The following FOCAD variants were observed in gnomAD, a reference collection of about 807,000 sequenced individuals.
FOCAD encodes focadhesin, also known as KIAA1797.
A neutral mutation model predicts 225.6 loss-of-function variants in FOCAD; 198 were observed. The observed-to-expected ratio is 0.88, with a 90% CI of 0.78 to 0.99. The LOEUF (loss-of-function observed/expected upper bound fraction) is 0.99. FOCAD is among the 50% of genes least tolerant of loss of function. FOCAD has a pLI of 0.00. For missense variants in FOCAD, 2,713 were observed against 2,123.6 expected (o/e 1.28, Z -5.46); for synonymous variants, 897 against 755.0 (o/e 1.19, Z -3.08).
At chr9:20,744,101 T>A in intron 5 of FOCAD, among the ~76,000 whole-genome samples, 1 of 152,170 alleles carries the variant, frequency 6.6e-6, no homozygotes, top group East Asian at 1.9e-4. Flanking sequence ...GTTTGTTCAA[T>A]GAAAAAATTC....
At chr9:20,712,201 A>G (rs1824905291) in intron 1 of FOCAD, among the ~76,000 whole-genome samples, 1 of 152,212 alleles carries the variant, frequency 6.6e-6, no homozygotes, top group Admixed American at 6.5e-5. Flanking sequence ...CTAAAACTTA[A>G]CTGTCCAAAA....
chr9:20,824,503 C>T (rs190721057), intron 15 of FOCAD, among the ~76,000 whole-genome samples: 24 of 152,044 alleles, frequency 1.6e-4, no homozygotes, highest in African/African-American at 5.8e-4. Flanking sequence ...TAAGGCTGTA[C>T]AGTTTATCAA....
At chr9:20,815,123 G>GTTTTTTTTTTTTTT (rs71334554) in intron 11 of FOCAD, among the ~76,000 whole-genome samples, 4 of 85,394 alleles carry the variant, frequency 4.7e-5, no homozygotes, top group Non-Finnish European at 6.7e-5. Context: ...ACTTCTCTTT[G>GTTTTTTTTTTTTTT]TTTTTTTTTT....
intron 22 of FOCAD, among the ~76,000 whole-genome samples, chr9:20,910,763 T>C (rs1322860708): frequency 6.6e-6 from 1 of 152,030 alleles, no homozygotes; most frequent in African/African-American, 2.4e-5. Flanking sequence ...AAGTCAAGAA[T>C]TGGAAGGCGC....
intron 9 of FOCAD, among the ~76,000 whole-genome samples, chr9:20,779,653 G>C (rs1222894772): frequency 6.6e-6 from 1 of 152,000 alleles, no homozygotes; most frequent in African/African-American, 2.4e-5. Flanking sequence ...GGTTGGCTGA[G>C]GCAGGATAAT....
rs560683905 is a variant in FOCAD at position 20,980,520 on chromosome 9, T to C, written c.4378-906T>C. On this transcript the variant is annotated intron_variant, in intron 37 of 43. Coordinates refer to ENST00000338382, the MANE Select transcript of FOCAD (RefSeq NM_001375567.1). ...TTGGTTAATAAATTAAGTTTGTGAG[T>C]TCATTTTCTTAAATATAGAATGATC... Among the ~76,000 whole-genome samples the C allele has an allele frequency of 7.2e-5, 11 of 152,368 alleles. No individual in the cohort carries two copies. The East Asian group carries it at 2.1e-3, about 29-fold the overall frequency.
chr9:20,713,950 C>G (rs1204418406), intron 1 of FOCAD, among the ~76,000 whole-genome samples: 1 of 152,116 alleles, frequency 6.6e-6, no homozygotes, highest in Admixed American at 6.5e-5. Context: ...AGTTTGCAAT[C>G]TTAGAACAAG....
intron 15 of FOCAD, among the ~76,000 whole-genome samples, chr9:20,841,598 T>C (rs1826533486): frequency 1.3e-5 from 2 of 151,928 alleles, no homozygotes; most frequent in African/African-American, 4.8e-5. Flanking sequence ...GCAGTATTAG[T>C]TGTAATATCT....
chr9:20,811,307 G>C (rs1421613587), intron 11 of FOCAD, among the ~76,000 whole-genome samples: 1 of 152,040 alleles, frequency 6.6e-6, no homozygotes, highest in East Asian at 1.9e-4. Flanking sequence ...ACAAGCTTCA[G>C]TTTTCCGTTT....
chr9:20,774,184 C>G (rs1351392657), intron 8 of FOCAD, among the ~76,000 whole-genome samples: 1 of 152,120 alleles, frequency 6.6e-6, no homozygotes, highest in African/African-American at 2.4e-5. Context: ...ATGAAACCAG[C>G]CCCTGGTGCA....
intron 23 of FOCAD, among the ~76,000 whole-genome samples, chr9:20,915,130 C>T (rs1833764278): frequency 6.6e-6 from 1 of 152,066 alleles, no homozygotes; most frequent in Non-Finnish European, 1.5e-5. Flanking sequence ...GCCTCATTAG[C>T]CTCCAATTAG....
At chr9:20,779,451 A>G (rs1819135931) in intron 9 of FOCAD, among the ~76,000 whole-genome samples, 3 of 152,198 alleles carry the variant, frequency 2.0e-5, no homozygotes. Context: ...CTTAGTTTTA[A>G]AAAGTACGTG....
chr9:20,664,003 T>C (rs1421652563), intron 2 of FOCAD, among the ~76,000 whole-genome samples: 1 of 152,136 alleles, frequency 6.6e-6, no homozygotes, highest in Admixed American at 6.5e-5. Flanking sequence ...TTTGTCTTAA[T>C]GAGATCCACT....
At chr9:20,711,572 AGAGGAATAGTAACCTCT>A (rs1824853945) in intron 1 of FOCAD, among the ~76,000 whole-genome samples, 2 of 152,216 alleles carry the variant, frequency 1.3e-5, no homozygotes, top group African/African-American at 4.8e-5. Flanking sequence ...TGTAGAATGA[AGAGGAATAGTAACCTCT>A]GAGGTGCTGG....
intron 27 of FOCAD, among the ~76,000 whole-genome samples, chr9:20,932,287 T>C (rs1564170105): frequency 6.6e-6 from 1 of 152,194 alleles, no homozygotes; most frequent in African/African-American, 2.4e-5. Flanking sequence ...CTCTGCCTGG[T>C]TGTCATTCCT....
upstream of FOCAD, among the ~76,000 whole-genome samples, chr9:20,682,178 C>T (rs944074075): frequency 1.3e-5 from 2 of 152,226 alleles, no homozygotes; most frequent in African/African-American, 4.8e-5. Flanking sequence ...GCTTGGACTT[C>T]CCGGCTTGCA....
chr9:20,681,153 C>T (rs553860441), upstream of FOCAD, among the ~76,000 whole-genome samples: 14 of 152,324 alleles, frequency 9.2e-5, 1 homozygote, highest in South Asian at 2.9e-3. Flanking sequence ...TAGATTAAAT[C>T]AGTGAAGCGT....
intron 32 of FOCAD, among the ~76,000 whole-genome samples, chr9:20,949,275 T>C (rs1207317584): frequency 6.6e-6 from 1 of 152,178 alleles, no homozygotes; most frequent in East Asian, 1.9e-4. Flanking sequence ...TATATGTCTA[T>C]GTGGTTGTTC....
At chr9:20,804,976 CCTT>C (rs1261832069) in intron 11 of FOCAD, among the ~76,000 whole-genome samples, 1 of 152,046 alleles carries the variant, frequency 6.6e-6, no homozygotes, top group Non-Finnish European at 1.5e-5. Flanking sequence ...CCCATTACAC[CCTT>C]CTTAATCTGT....
Sources: allele counts gnomAD v4.1 joint callset (sites outside exome capture counted in the v4.1 genomes callset), GRCh38; gene constraint gnomAD v4.1.1; transcripts MANE v1.5; gene names NCBI Gene and HGNC (gene_info 2026-07-23, HGNC 2026-07-21).